Variants in DMD observed in about 807,000 individuals in gnomAD.
DMD encodes the protein dystrophin.
In DMD, 63 loss-of-function variants were observed where a neutral mutation model predicts 330.1. That is an observed-to-expected ratio of 0.19 (90% CI 0.16 to 0.24). DMD has a LOEUF of 0.24. DMD is among the 10% of genes least tolerant of loss of function. The pLI is 1.00. For missense variants in DMD, 3,344 were observed against 2,684.1 expected, an observed-to-expected ratio of 1.25 and a Z score of -5.43; for synonymous variants, 1,223 against 959.8, an observed-to-expected ratio of 1.27 and a Z score of -5.07.
intron 63 of DMD, among the ~76,000 whole-genome samples, chrX:31,242,372 C>T (rs2048414930): frequency 9.4e-6 from 1 of 106,266 alleles, no homozygotes; most frequent in African/African-American, 3.4e-5. Flanking sequence ...TATGCTGCTA[C>T]ACTATCTGGA....
At chrX:32,257,758 G>A (rs1207545237) in intron 43 of DMD, among the ~76,000 whole-genome samples, 3 of 111,131 alleles carry the variant, frequency 2.7e-5, no homozygotes, top group African/African-American at 9.8e-5. Flanking sequence ...CAAGTACGGG[G>A]AAAGACTGCA....
At chrX:33,104,289 G>T (rs2095266714) in intron 1 of DMD, among the ~76,000 whole-genome samples, 1 of 111,632 alleles carries the variant, frequency 9.0e-6, no homozygotes, top group African/African-American at 3.3e-5. Context: ...TGAATAAAGA[G>T]ACTATCATGT....
chrX:32,075,231 G>A (rs757649694), intron 44 of DMD, among the ~76,000 whole-genome samples: 2 of 112,196 alleles, frequency 1.8e-5, no homozygotes, highest in East Asian at 2.8e-4. Flanking sequence ...AAAACAGAAG[G>A]AGGGGGACCA....
At chrX:33,163,667 T>C (rs964117296) in intron 1 of DMD, among the ~76,000 whole-genome samples, 2 of 109,023 alleles carry the variant, frequency 1.8e-5, no homozygotes, top group Non-Finnish European at 3.8e-5. Context: ...TATATAAAGT[T>C]TTAGGAGAAA....
At chrX:31,198,023 TAAA>T (rs61065027) in intron 67 of DMD, among the ~76,000 whole-genome samples, 2 of 64,892 alleles carry the variant, frequency 3.1e-5, no homozygotes, top group African/African-American at 1.2e-4. Flanking sequence ...GTGTGGGAGC[TAAA>T]AAAAAAAAAA....
chrX:31,892,178 T>C (rs374771280), intron 47 of DMD, among the ~76,000 whole-genome samples: 2 of 112,561 alleles, frequency 1.8e-5, no homozygotes, highest in South Asian at 7.3e-4. Flanking sequence ...TTATTTGATA[T>C]CTTTTAATTT....
At chrX:31,526,594 A>G (rs2073254778) in intron 55 of DMD, among the ~76,000 whole-genome samples, 1 of 112,055 alleles carries the variant, frequency 8.9e-6, no homozygotes, top group Non-Finnish European at 1.9e-5. Flanking sequence ...AGATTCAAGA[A>G]GTACGGAAAA....
intron 55 of DMD, among the ~76,000 whole-genome samples, chrX:31,529,997 C>G (rs1335877860): frequency 9.0e-6 from 1 of 111,483 alleles, no homozygotes; most frequent in African/African-American, 3.3e-5. Context: ...GTTTCTGCAT[C>G]TGTCGGTAAT....
intron 42 of DMD, among the ~76,000 whole-genome samples, chrX:32,297,633 T>C (rs1204458537): frequency 1.8e-5 from 2 of 111,337 alleles, no homozygotes; most frequent in African/African-American, 6.5e-5. Context: ...AAAGCCCCGC[T>C]CTCTGGAATC....
At chrX:32,777,024 A>G (rs982800132) in intron 7 of DMD, among the ~76,000 whole-genome samples, 1 of 109,233 alleles carries the variant, frequency 9.2e-6, no homozygotes, top group South Asian at 3.9e-4. Context: ...ATCCAGTTTT[A>G]TAGGGCGTGA....
intron 49 of DMD, among the ~76,000 whole-genome samples, chrX:31,822,607 T>C (rs1364117520): frequency 1.0e-5 from 1 of 99,810 alleles, no homozygotes; most frequent in Non-Finnish European, 2.0e-5. Context: ...GAGTGGGAAG[T>C]GGTCAGCTGG....
chrX:32,254,735 C>T (rs1382897889), intron 43 of DMD, among the ~76,000 whole-genome samples: 1 of 112,061 alleles, frequency 8.9e-6, no homozygotes, highest in African/African-American at 3.2e-5. Flanking sequence ...GCAATTGTTC[C>T]ATCTTAACCA....
Position 31,638,489 on chromosome X carries a change from A to C in DMD, c.8028-10627T>G, listed in dbSNP as rs775143141. ...CTATTAATCGACATCCTTTGCGTAA[A>C]ATCATGAAGTGGCTTCTAAGCCATC... is the stretch of plus-strand genomic sequence containing the variant. On this transcript the variant is annotated intron_variant, in intron 54 of 78. Coordinates refer to ENST00000357033, the MANE Select transcript of DMD (RefSeq NM_004006.3). Among the ~76,000 whole-genome samples the C allele has an allele frequency of 1.1e-4, 12 of 112,325 alleles. No homozygotes were observed. In the East Asian group the frequency reaches 3.4e-3, roughly 31 times the overall value.
intron 61 of DMD, among the ~76,000 whole-genome samples, chrX:31,341,830 C>A (rs1334440312): frequency 9.1e-6 from 1 of 110,428 alleles, no homozygotes; most frequent in Non-Finnish European, 1.9e-5. Flanking sequence ...ATTTCGACTG[C>A]AACCCACAGA....
intron 16 of DMD, among the ~76,000 whole-genome samples, chrX:32,556,270 T>A (rs763463369): frequency 2.7e-5 from 3 of 111,037 alleles, no homozygotes; most frequent in Admixed American, 9.6e-5. Context: ...TGAGATAACA[T>A]CTCACGCCAG....
At position 33,235,977 on chromosome X, in the gene DMD, G is replaced by C. The variant is rs1334765815; in HGVS notation, c.7+103282C>G. Among the ~76,000 whole-genome samples, 4 of 104,786 alleles carry C rather than the reference G, an allele frequency of 3.8e-5. No homozygotes were observed. In the East Asian group the frequency reaches 1.2e-3, roughly 31 times the overall value. The allele number at this position is 104,786 out of a possible 115,157, so 91.0% of individuals were successfully genotyped here. A position where few individuals can be genotyped will look rare whatever the true frequency, so the allele number is the denominator to read the frequency against. ...GTCGTCCAGGCTGGAGTGCAGTGGC[G>C]CGATCTCGGCTCACTGCAAGCTCCG... On this transcript the variant is annotated intron_variant, in intron 1 of 17. Coordinates refer to the DMD transcript ENST00000288447.
intron 11 of DMD, among the ~76,000 whole-genome samples, chrX:32,625,152 C>T (rs2058264224): frequency 9.0e-6 from 1 of 111,386 alleles, no homozygotes. Flanking sequence ...GCCTGAGTGA[C>T]AGAGTGAAAC....
chrX:32,153,169 G>A (rs181824977), intron 44 of DMD, among the ~76,000 whole-genome samples: 18 of 111,915 alleles, frequency 1.6e-4, no homozygotes, highest in African/African-American at 5.2e-4. Flanking sequence ...TTATTGGAGT[G>A]TATTGCTATA....
chrX:32,798,325 TCA>T (rs1228553931), intron 7 of DMD, among the ~76,000 whole-genome samples: 1 of 105,288 alleles, frequency 9.5e-6, no homozygotes, highest in Non-Finnish European at 1.9e-5. Context: ...CAGAAAATAC[TCA>T]GTTTTTTTAT....
Sources: allele counts gnomAD v4.1 joint callset (sites outside exome capture counted in the v4.1 genomes callset), GRCh38; gene constraint gnomAD v4.1.1; transcripts MANE v1.5; gene names NCBI Gene and HGNC (gene_info 2026-07-23, HGNC 2026-07-21).